AGAP1: variants seen among roughly 807,000 people sequenced by gnomAD.
The protein encoded by AGAP1 is ArfGAP with GTPase domain, ankyrin repeat and PH domain 1, also known as arf-GAP with GTPase, ANK repeat and PH domain-containing protein 1.
In AGAP1, 29 loss-of-function variants were observed where a neutral mutation model predicts 105.3. The observed-to-expected ratio is 0.28, with a 90% confidence interval of 0.21 to 0.38. The LOEUF is 0.38. Among genes scored for constraint, AGAP1 ranks in the 10% least tolerant of loss-of-function variants. The probability of loss-of-function intolerance (pLI) is 1.00; values close to 1 mark genes in which losing one functional copy is unlikely to be tolerated. For missense variants in AGAP1, 998 were observed against 1,165.1 expected (o/e 0.86, Z 2.09); for synonymous variants, 509 against 485.9 (o/e 1.05, Z -0.63).
Position 235,934,806 on chromosome 2 carries a change from G to A in AGAP1, c.1483+3883G>A, listed in dbSNP as rs1228183878. ...AAGCAGCTTTGGAATACAGACGCCC[G>A]TGTTGGCAAGTGTGCCTTCCCATTG... On this transcript the variant is annotated intron_variant, in intron 12 of 17. Transcript: ENST00000304032. The surrounding 1 kb of genome is among the most constrained non-coding windows in gnomAD (Gnocchi z 4.9). 4.0e-5 allele frequency among the ~76,000 whole-genome samples: 6 copies of A among 151,260 alleles called. No homozygotes were observed. The highest frequency in any genetic ancestry group is 8.8e-5 in the Non-Finnish European group (6 of 67,888).
chr2:235,782,257 T>C (rs1457578976), intron 6 of AGAP1, among the ~76,000 whole-genome samples: 1 of 39,476 alleles, frequency 2.5e-5, no homozygotes, highest in Non-Finnish European at 6.8e-5. Context: ...CTCCTGCCCA[T>C]TTTTTTTTTT....
chr2:235,609,510 T>C lies in AGAP1; in HGVS notation c.164-99669T>C, dbSNP rs1047441810. ...GCGAGAGGGAGTGGGGAAGGCAGGC[T>C]GGGCGTGCTGTGGTTATAGGCAGCC... On this transcript the variant is annotated intron_variant, in intron 1 of 17. Transcript: ENST00000304032. The surrounding 1 kb of genome is among the most constrained non-coding windows in gnomAD (Gnocchi z 5.1). Among the ~76,000 whole-genome samples the C allele has an allele frequency of 1.3e-5, 2 of 152,096 alleles. No homozygotes were observed. Among genetic ancestry groups the C allele is most frequent in the African/African-American group, 4.8e-5 (2 of 41,412 alleles).
chr2:235,930,874 C>CG lies in AGAP1; in HGVS notation c.1435dup (p.Asp479GlyfsTer5). On this transcript the variant is annotated frameshift_variant, in exon 12 of 18. Coordinates refer to ENST00000304032, the MANE Select transcript of AGAP1 (RefSeq NM_001037131.3). LOFTEE classifies it high-confidence loss of function. The surrounding 1 kb of genome is among the most constrained non-coding windows in gnomAD (Gnocchi z 7.9). ...AGCGCTCCTACTCAGTCTCCAGTGC[C>CG]GACCAGTGGAGTGAGGCTACGGTCA... 1 of 1,614,108 alleles carries CG rather than the reference C, an allele frequency of 6.2e-7. No homozygotes were observed. The highest frequency in any genetic ancestry group is 8.5e-7 in the Non-Finnish European group (1 of 1,180,014).
chr2:235,670,156 G>A (rs879034361), intron 1 of AGAP1: 1 of 583,648 alleles, frequency 1.7e-6, no homozygotes, highest in Non-Finnish European at 3.1e-6. Context: ...ACGCGATGCC[G>A]CGCGGGACGC....
In AGAP1 at chr2:235,574,425, G is replaced by T. The variant is rs1944669127; in HGVS notation, c.163+79576G>T. Among the ~76,000 whole-genome samples, 1 of 152,228 alleles carries T rather than the reference G, an allele frequency of 6.6e-6. No individual in the cohort carries two copies. The highest frequency in any genetic ancestry group is 1.5e-5 in the Non-Finnish European group (1 of 68,046). ...TGTATAACGAAATGTAATTAGTGAA[G>T]GTGCATTATCTGATAAAGTAAATCT... is the stretch of plus-strand genomic sequence containing the variant. On this transcript the variant is annotated intron_variant, in intron 1 of 17. Transcript: ENST00000304032. This position sits in a 1 kb window ranked among gnomAD's most constrained non-coding sequence, Gnocchi z 5.0.
rs2059386351 is a variant in AGAP1 at position 236,102,675 on chromosome 2, C to T, written c.2115-17517C>T. ...TGTTAAATGCCGAGTGGGTAAAACA[C>T]GTCTGCAAGTGGAGAATGGCAGGAA... On this transcript the variant is annotated intron_variant, in intron 16 of 17. Coordinates refer to ENST00000304032, the MANE Select transcript of AGAP1 (RefSeq NM_001037131.3). Among the ~76,000 whole-genome samples, 3 of 151,672 alleles carry T rather than the reference C, an allele frequency of 2.0e-5. No individual in the cohort carries two copies. The South Asian group carries it at 6.3e-4, about 32-fold the overall frequency.
intron 1 of AGAP1, among the ~76,000 whole-genome samples, chr2:235,653,058 G>T (rs570482025): frequency 9.2e-5 from 14 of 152,248 alleles, no homozygotes; most frequent in African/African-American, 3.4e-4. Context: ...GGATAAGAGG[G>T]TAGGCTTTGC....
chr2:236,019,579 C>G (rs1056076922), intron 13 of AGAP1, among the ~76,000 whole-genome samples: 1 of 152,148 alleles, frequency 6.6e-6, no homozygotes, highest in African/African-American at 2.4e-5. Flanking sequence ...AGGCATCAGC[C>G]CCAGGAGCTC....
At chr2:235,499,705 A>T (rs1184760386) in intron 1 of AGAP1, among the ~76,000 whole-genome samples, 3 of 152,000 alleles carry the variant, frequency 2.0e-5, no homozygotes, top group Non-Finnish European at 2.9e-5. Flanking sequence ...TGTTGGTGTC[A>T]CTCATGACCA....
Position 235,750,921 on chromosome 2 carries a change from A to T in AGAP1, c.673+433A>T, listed in dbSNP as rs1376224151. Among the ~76,000 whole-genome samples, 3 of 152,174 alleles carry T rather than the reference A, an allele frequency of 2.0e-5. No individual in the cohort carries two copies. Among genetic ancestry groups the T allele is most frequent in the Non-Finnish European group, 2.9e-5 (2 of 68,036 alleles). ...AGAGAACTGAAAGGAGGAGAGAGAG[A>T]GTCAAGTTTGGACCTCCCCCCACCA... is the stretch of plus-strand genomic sequence containing the variant. On this transcript the variant is annotated intron_variant, in intron 6 of 17. Coordinates refer to ENST00000304032, the MANE Select transcript of AGAP1 (RefSeq NM_001037131.3). This position sits in a 1 kb window ranked among gnomAD's most constrained non-coding sequence, Gnocchi z 5.3.
In AGAP1 at chr2:235,699,080, C is replaced by G. The variant is rs919851925; in HGVS notation, c.164-10099C>G. On this transcript the variant is annotated intron_variant, in intron 1 of 17. Coordinates refer to ENST00000304032, the MANE Select transcript of AGAP1 (RefSeq NM_001037131.3). ...ACGGGCATCAGACATCCCCCCCCCC[C>G]ACCCCACCTAGGCTCGCACAGGAGG... Among the ~76,000 whole-genome samples, 11 of 138,208 alleles carry G rather than the reference C, an allele frequency of 8.0e-5. No individual in the cohort carries two copies. In the East Asian group the frequency reaches 1.6e-3, roughly 19 times the overall value. The allele number at this position is 138,208 out of a possible 152,430, so 90.7% of individuals were successfully genotyped here. A position where few individuals can be genotyped will look rare whatever the true frequency, so the allele number is the denominator to read the frequency against.
intron 1 of AGAP1, among the ~76,000 whole-genome samples, chr2:235,506,120 A>G (rs1459765277): frequency 6.6e-6 from 1 of 151,844 alleles, no homozygotes; most frequent in African/African-American, 2.4e-5. Flanking sequence ...TAGTAGAGAT[A>G]GGGTTTCACC....
chr2:235,708,070 C>T (rs10210398), intron 1 of AGAP1, among the ~76,000 whole-genome samples: 8,706 of 152,214 alleles, frequency 0.057, 834 homozygotes, highest in African/African-American at 0.2. Context: ...CCCTTGGCTT[C>T]CAGCCCTGCA....
rs1466037505 is a variant in AGAP1, at chr2:235,587,479, C to T, written c.163+92630C>T. Among the ~76,000 whole-genome samples, 5 of 152,174 alleles carry T rather than the reference C, an allele frequency of 3.3e-5. No homozygotes were observed. The South Asian group carries it at 6.2e-4, about 19-fold the overall frequency. ...TTTAAGTCTCCCAACAGGCCGGGTGCGGTGGCTCATGCCTGTAATTCCAGA... is the reference window on the plus strand; with the variant it reads ...TTTAAGTCTCCCAACAGGCCGGGTGTGGTGGCTCATGCCTGTAATTCCAGA... On this transcript the variant is annotated intron_variant, in intron 1 of 17. Coordinates refer to ENST00000304032, the MANE Select transcript of AGAP1 (RefSeq NM_001037131.3).
intron 1 of AGAP1, among the ~76,000 whole-genome samples, chr2:235,704,505 A>G (rs113024720): frequency 0.076 from 11,610 of 152,042 alleles, 1,452 homozygotes; most frequent in African/African-American, 0.26. Flanking sequence ...AATTACCCAG[A>G]TGTGGTGGCG....
At position 235,723,190 on chromosome 2, in the gene AGAP1, A is replaced by G. The variant is rs571833196; in HGVS notation, c.310+5546A>G. ...GCTGCCGTTCACTTCCTATAAAGAG[A>G]ATGAGATGAAAATTAGTTATTTGCC... On this transcript the variant is annotated intron_variant, in intron 3 of 17. Transcript: ENST00000304032. The surrounding 1 kb of genome is among the most constrained non-coding windows in gnomAD (Gnocchi z 6.2). Among the ~76,000 whole-genome samples, 1 of 152,196 alleles carries G rather than the reference A, an allele frequency of 6.6e-6. No homozygotes were observed. Among genetic ancestry groups the G allele is most frequent in the South Asian group, 2.1e-4 (1 of 4,814 alleles).
rs1263740647 is a variant in AGAP1 at position 236,035,323 on chromosome 2, T to C, written c.1646-1238T>C. On this transcript the variant is annotated intron_variant, in intron 13 of 17. Coordinates refer to ENST00000304032, the MANE Select transcript of AGAP1 (RefSeq NM_001037131.3). This position sits in a 1 kb window ranked among gnomAD's most constrained non-coding sequence, Gnocchi z 4.2. ...ATTGAGTCAAATGAGATGTTGTGTC[T>C]GAAAACCTAGTTGAAGATTTCTTAA... Among the ~76,000 whole-genome samples, 1 of 152,194 alleles carries C rather than the reference T, an allele frequency of 6.6e-6. No homozygotes were observed. Among genetic ancestry groups the C allele is most frequent in the East Asian group, 1.9e-4 (1 of 5,190 alleles).
chr2:235,759,376 A>C (rs55642639), intron 6 of AGAP1, among the ~76,000 whole-genome samples: 2 of 150,284 alleles, frequency 1.3e-5, no homozygotes, highest in Admixed American at 6.6e-5. Flanking sequence ...TCACCGTGTT[A>C]GCCAGGATGG....
rs1943841905 is a variant in AGAP1, at chr2:235,552,359, G to A, written c.163+57510G>A. 6.6e-6 allele frequency among the ~76,000 whole-genome samples: 1 copy of A among 152,228 alleles called. No individual in the cohort carries two copies. Among genetic ancestry groups the A allele is most frequent in the South Asian group, 2.1e-4 (1 of 4,834 alleles). On this transcript the variant is annotated intron_variant, in intron 1 of 17. Transcript: ENST00000304032. The surrounding 1 kb of genome is among the most constrained non-coding windows in gnomAD (Gnocchi z 5.9). ...GCCAGGTTTGGAGTGCTGCCTTGGT[G>A]TCGTTATAATGCAAGTGGGATTTCA...
Sources: allele counts gnomAD v4.1 joint callset (sites outside exome capture counted in the v4.1 genomes callset), GRCh38; gene constraint gnomAD v4.1.1; non-coding constraint Gnocchi (gnomAD v3.1); transcripts MANE v1.5; gene names NCBI Gene and HGNC (gene_info 2026-07-23, HGNC 2026-07-21).